ATP2C2: variants seen among roughly 807,000 people sequenced by gnomAD.
ATP2C2 encodes calcium-transporting ATPase type 2C member 2.
A neutral mutation model predicts 110.8 loss-of-function variants in ATP2C2; 171 were observed. The observed-to-expected ratio is 1.54, with a 90% CI of 1.36 to 1.75. The LOEUF is 1.75. Ranked by LOEUF, ATP2C2 falls within the 40% of genes most tolerant of loss-of-function variation. ATP2C2 has a pLI of 0.00. For synonymous variants in ATP2C2, 804 were observed against 508.4 expected, an observed-to-expected ratio of 1.58 and a Z score of -7.82; for missense variants, 1,963 against 1,235.0, an observed-to-expected ratio of 1.59 and a Z score of -8.84.
rs149596271 is a variant in ATP2C2, at chr16:84,414,776, T to C, written c.516-707T>C. 1.1e-3 allele frequency among the ~76,000 whole-genome samples: 172 copies of C among 152,200 alleles called. 1 individual carries two copies. The highest frequency in any genetic ancestry group is 3.9e-3 in the African/African-American group (160 of 41,528). On this transcript the variant is annotated intron_variant, in intron 6 of 26. Transcript: ENST00000262429. ...TTTAAGGGGGCTGGATGGAATGAGA[T>C]GGGAGCTGCAGGAGGCTGGCTGGCC...
At chr16:84,389,967 C>G (rs1904554363) in intron 1 of ATP2C2, among the ~76,000 whole-genome samples, 1 of 152,252 alleles carries the variant, frequency 6.6e-6, no homozygotes, top group Admixed American at 6.5e-5. Context: ...TAATGATCCA[C>G]CCACCTCAGT....
chr16:84,398,466 A>G (rs1370709008), intron 1 of ATP2C2, 33 bp from the exon 2 acceptor site: 2 of 1,458,228 alleles, frequency 1.4e-6, no homozygotes, highest in East Asian at 4.7e-5. Flanking sequence ...CAAAAGTTCA[A>G]TCCGCTAAAC....
intron 11 of ATP2C2, among the ~76,000 whole-genome samples, chr16:84,436,236 A>C (rs530183774): frequency 2.6e-5 from 4 of 152,332 alleles, no homozygotes; most frequent in Admixed American, 6.5e-5. Flanking sequence ...GGGAGTTTGC[A>C]TGAAAAAGAT....
At chr16:84,435,773 GC>G (rs1458678490) in intron 11 of ATP2C2, among the ~76,000 whole-genome samples, 15 of 152,148 alleles carry the variant, frequency 9.9e-5, no homozygotes, top group African/African-American at 3.4e-4. Flanking sequence ...GCTGCGGTGA[GC>G]CTTGATGGTG....
At chr16:84,413,390 T>G (rs141000907) in intron 6 of ATP2C2, among the ~76,000 whole-genome samples, 2 of 151,762 alleles carry the variant, frequency 1.3e-5, no homozygotes, top group African/African-American at 4.8e-5. Flanking sequence ...AAGGACCAAA[T>G]AGGGACAAGA....
At chr16:84,458,356 AGG>A (rs1555569048) in intron 21 of ATP2C2, among the ~76,000 whole-genome samples, 1 of 4,372 alleles carries the variant, frequency 2.3e-4, no homozygotes, top group East Asian at 0.25. Context: ...GGGTCGGGGG[AGG>A]GGGGGAGGGA....
chr16:84,440,338 A>T (rs982314829), intron 13 of ATP2C2, among the ~76,000 whole-genome samples: 1 of 152,170 alleles, frequency 6.6e-6, no homozygotes, highest in African/African-American at 2.4e-5. Context: ...TTTTATCCTG[A>T]TATTTTTTCT....
rs147224527 is a variant in ATP2C2 at position 84,460,997 on chromosome 16, G to A, written c.2481+196G>A. On this transcript the variant is annotated intron_variant, in intron 24 of 26. Transcript: ENST00000262429. ...GGTGACCCTTGAAAGAAGGGAGGTC[G>A]CCAGGTGTGTGCCTGGGAACTACAG... 2.2e-3 allele frequency: 1,632 copies of A among 743,524 alleles called. 4 individuals carry two copies. Among genetic ancestry groups the A allele is most frequent in the Non-Finnish European group, 2.9e-3 (1,446 of 491,356 alleles). 46.1% of individuals were successfully genotyped at this position (743,524 alleles called of 1,614,324 possible).
At chr16:84,400,597 G>A (rs564920653) in intron 2 of ATP2C2, among the ~76,000 whole-genome samples, 1 of 152,168 alleles carries the variant, frequency 6.6e-6, no homozygotes, top group African/African-American at 2.4e-5. Flanking sequence ...AAAGTGCTGG[G>A]ATTACAGGCA....
chr16:84,399,726 G>A (rs900317965), intron 2 of ATP2C2, among the ~76,000 whole-genome samples: 4 of 152,102 alleles, frequency 2.6e-5, no homozygotes, highest in African/African-American at 4.8e-5. Context: ...GGCAAACGGG[G>A]TCTCCATTAC....
At position 84,429,513 on chromosome 16, in the gene ATP2C2, G is replaced by A. The variant is rs572498187; in HGVS notation, c.986+3712G>A. ...GTTACTGTGTATAGCACGTGACTGC[G>A]TGATCTGTTCGTATCACTTTCATTG... On this transcript the variant is annotated intron_variant, in intron 11 of 26. Coordinates refer to ENST00000262429, the MANE Select transcript of ATP2C2 (RefSeq NM_014861.4). Among the ~76,000 whole-genome samples, 11 of 152,258 alleles carry A rather than the reference G, an allele frequency of 7.2e-5. No individual in the cohort carries two copies. The South Asian group carries it at 1.7e-3, about 23-fold the overall frequency.
chr16:84,444,498 T>C (rs1330980241), intron 15 of ATP2C2, among the ~76,000 whole-genome samples: 3 of 152,054 alleles, frequency 2.0e-5, no homozygotes, highest in African/African-American at 4.8e-5. Flanking sequence ...AATCATGACA[T>C]CGTATTATTT....
In ATP2C2 at chr16:84,463,851, A is replaced by G. The variant is rs1040828683; in HGVS notation, c.*119A>G. 4 of 915,088 alleles carry G rather than the reference A, an allele frequency of 4.4e-6. No individual in the cohort carries two copies. The highest frequency in any genetic ancestry group is 3.3e-5 in the African/African-American group (2 of 60,242). 56.7% of individuals were successfully genotyped at this position (915,088 alleles called of 1,614,324 possible). On this transcript the variant is annotated 3_prime_UTR_variant, in exon 27 of 27. Transcript: ENST00000262429. ...GGCCGCAGCCTTCCATCACCGGATC[A>G]GTTTTTCCTCTTAGGAAAGCTGCAG...
intron 1 of ATP2C2, among the ~76,000 whole-genome samples, chr16:84,395,912 A>T (rs1291549639): frequency 2.0e-5 from 3 of 152,116 alleles, no homozygotes; most frequent in African/African-American, 7.2e-5. Flanking sequence ...TTGTTATGCA[A>T]CCATCACCAA....
chr16:84,411,412 C>T (rs907348345), intron 6 of ATP2C2, among the ~76,000 whole-genome samples: 1 of 152,310 alleles, frequency 6.6e-6, no homozygotes, highest in Admixed American at 6.5e-5. Flanking sequence ...TTAATATCAT[C>T]TGCCCTGTCC....
chr16:84,393,771 T>G (rs1904804432), intron 1 of ATP2C2, among the ~76,000 whole-genome samples: 1 of 151,542 alleles, frequency 6.6e-6, no homozygotes, highest in African/African-American at 2.4e-5. Flanking sequence ...GAGGGGGCTG[T>G]GACCGACACA....
chr16:84,425,979 C>A, intron 11 of ATP2C2, 178 bp downstream of exon 11: 2 of 659,542 alleles, frequency 3.0e-6, no homozygotes, highest in South Asian at 1.8e-5. Context: ...GAGTGCCCGG[C>A]GAATGCTTGC....
chr16:84,411,582 C>A (rs568479580), intron 6 of ATP2C2, among the ~76,000 whole-genome samples: 1 of 152,126 alleles, frequency 6.6e-6, no homozygotes, highest in South Asian at 2.1e-4. Flanking sequence ...GCTGGGACTA[C>A]AGGCATGCAC....
chr16:84,391,095 C>T (rs1347361782), intron 1 of ATP2C2, among the ~76,000 whole-genome samples: 3 of 112,166 alleles, frequency 2.7e-5, no homozygotes, highest in Non-Finnish European at 4.9e-5. Flanking sequence ...GCCTGGGTGA[C>T]AGAGTGAGAC....
Sources: allele counts gnomAD v4.1 joint callset (sites outside exome capture counted in the v4.1 genomes callset), GRCh38; gene constraint gnomAD v4.1.1; transcripts MANE v1.5; gene names NCBI Gene and HGNC (gene_info 2026-07-23, HGNC 2026-07-21).